Variants in UGGT2 observed in about 807,000 individuals in gnomAD.
UGGT2 encodes the protein UDP-glucose glycoprotein glucosyltransferase 2.
In UGGT2, 180 loss-of-function variants were observed where a neutral mutation model predicts 192.1. The observed-to-expected ratio is 0.94, with a 90% CI of 0.83 to 1.06. The LOEUF (loss-of-function observed/expected upper bound fraction) is 1.06, where lower values mean the gene tolerates loss of function less well. UGGT2 is among the 50% of genes least tolerant of loss of function. The probability of loss-of-function intolerance (pLI) is 0.00; values close to 1 mark genes in which losing one functional copy is unlikely to be tolerated. For missense variants in UGGT2, 1,849 were observed against 1,795.7 expected, an observed-to-expected ratio of 1.03 and a Z score of -0.54; for synonymous variants, 580 against 591.0, an observed-to-expected ratio of 0.98 and a Z score of 0.27.
intron 38 of UGGT2, among the ~76,000 whole-genome samples, chr13:95,817,253 A>C (rs1319243575): frequency 6.6e-6 from 1 of 152,172 alleles, no homozygotes; most frequent in Non-Finnish European, 1.5e-5. Context: ...AGTAAGTATA[A>C]GGGTAACAAC....
Position 96,053,271 on chromosome 13 carries a change from T to C in UGGT2, c.42A>G (p.Leu14=). Residue 14 remains leucine, a synonymous_variant, in exon 1 of 39, where the codon CTA becomes CTG. Coordinates refer to ENST00000376747, the MANE Select transcript of UGGT2 (RefSeq NM_020121.4). The part of the protein sequence containing the change: ...AKATNVVRLL[L]GSTALWLSQL... ...GCGAAAGCCACAGCGCTGTGGAGCC[T>C]AGTAGCAGCCGCACCACGTTCGTGG... The C allele has an allele frequency of 6.3e-7, 1 of 1,575,710 alleles. No homozygotes were observed. Among genetic ancestry groups the C allele is most frequent in the African/African-American group, 1.4e-5 (1 of 72,960 alleles).
intron 10 of UGGT2, among the ~76,000 whole-genome samples, chr13:95,982,629 G>A (rs2051163804): frequency 6.6e-6 from 1 of 152,066 alleles, no homozygotes; most frequent in African/African-American, 2.4e-5. Context: ...TTCCCATTCA[G>A]GTGCCCCTCT....
intron 29 of UGGT2, 65 bp from the exon 30 acceptor site, chr13:95,867,488 A>G (rs569329673): frequency 2.3e-6 from 3 of 1,322,198 alleles, no homozygotes; most frequent in Non-Finnish European, 3.2e-6. Flanking sequence ...ATGGCATAAC[A>G]GAATAAACTC....
At chr13:95,918,572 AAATC>A (rs2048750199) in intron 20 of UGGT2, among the ~76,000 whole-genome samples, 1 of 152,268 alleles carries the variant, frequency 6.6e-6, no homozygotes, top group African/African-American at 2.4e-5. Context: ...TCTTCAAAAA[AAATC>A]AACCAATCCA....
rs371450180 is a variant in UGGT2, at chr13:96,015,677, A to G, written c.486-2196T>C. The stretch of plus-strand genomic sequence containing the variant: ...GCATTGGTAAAAATTTTAGAAGTAG[A>G]GTATAAAACTTCAGCTTTCTGAAGA... On this transcript the variant is annotated intron_variant, in intron 4 of 38. Transcript: ENST00000376747. Among the ~76,000 whole-genome samples, 25 of 152,360 alleles carry G rather than the reference A, an allele frequency of 1.6e-4. No individual in the cohort carries two copies. In the East Asian group the frequency reaches 3.5e-3, roughly 21 times the overall value.
intron 14 of UGGT2, among the ~76,000 whole-genome samples, chr13:95,947,417 T>C (rs903866017): frequency 2.0e-5 from 3 of 151,910 alleles, no homozygotes; most frequent in Non-Finnish European, 4.4e-5. Flanking sequence ...CAAATGGCCA[T>C]GTTCTTTTGT....
chr13:96,004,658 T>C (rs549200657), intron 5 of UGGT2, among the ~76,000 whole-genome samples: 1 of 148,560 alleles, frequency 6.7e-6, no homozygotes, highest in Non-Finnish European at 1.5e-5. Context: ...ATTAGGTATA[T>C]CTCCCAATGC....
chr13:95,879,991 A>G (rs1003166627), intron 27 of UGGT2, among the ~76,000 whole-genome samples: 4 of 152,122 alleles, frequency 2.6e-5, no homozygotes, highest in Non-Finnish European at 5.9e-5. Context: ...TGCTGTACCC[A>G]TCAACCTGCC....
intron 36 of UGGT2, among the ~76,000 whole-genome samples, chr13:95,842,909 T>G (rs529967408): frequency 3.9e-5 from 6 of 152,176 alleles, no homozygotes; most frequent in Non-Finnish European, 7.4e-5. Context: ...TCTTGAGAGA[T>G]ACAATGAAGC....
Position 96,053,206 on chromosome 13 carries a change from G to C in UGGT2, c.107C>G (p.Thr36Ser), listed in dbSNP as rs948334734. The C allele has an allele frequency of 1.0e-5, 16 of 1,532,594 alleles. 1 individual carries two copies. The highest frequency in any genetic ancestry group is 2.0e-5 in the Admixed American group (1 of 51,118). 94.9% of individuals were successfully genotyped at this position (1,532,594 alleles called of 1,614,324 possible). ...GGGCCACTTCGCGGCCAAGTGGGCAGTCACCGACTTGGACGCGGCGACCGT... is the reference window on the plus strand; with the variant it reads ...GGGCCACTTCGCGGCCAAGTGGGCACTCACCGACTTGGACGCGGCGACCGT... ...SGTVAASKSV[T>S]AHLAAKWPET... The change falls in exon 1 of 39, where the codon ACT becomes AGT. Residue 36 changes from threonine to serine, a missense_variant. Physicochemically the swap from Thr to Ser is moderately conservative, Grantham distance 58. Coordinates refer to ENST00000376747, the MANE Select transcript of UGGT2 (RefSeq NM_020121.4).
rs755997673 is a variant in UGGT2, at chr13:95,863,671, T to A, written c.3602A>T (p.Asp1201Val). The part of the protein sequence containing the change: ...TDKIKEDILT[D>V]EDEKTKGLWD... Reference sequence around the variant, plus strand: ...CAGTCCTTTTGTTTTTTCATCTTCATCGGTAAGGATATCTTCCTTAATTTT... The same window carrying A: ...CAGTCCTTTTGTTTTTTCATCTTCAACGGTAAGGATATCTTCCTTAATTTT... Residue 1201 changes from aspartate to valine, a missense_variant, in exon 31 of 39, where the codon GAT (aspartate) becomes GTT (valine). Physicochemically the swap from Asp to Val is radical, Grantham distance 152. Transcript: ENST00000376747. 2 of 1,612,846 alleles carry A rather than the reference T, an allele frequency of 1.2e-6. No homozygotes were observed. The highest frequency in any genetic ancestry group is 2.7e-5 in the African/African-American group (2 of 74,998).
At chr13:95,884,087 CCAA>C (rs2047575690) in intron 27 of UGGT2, among the ~76,000 whole-genome samples, 1 of 60,042 alleles carries the variant, frequency 1.7e-5, no homozygotes, top group African/African-American at 5.2e-5. Flanking sequence ...AAAAAAAAAA[CCAA>C]CAACAACAAA....
At chr13:95,815,115 T>C (rs1340296880) in intron 38 of UGGT2, among the ~76,000 whole-genome samples, 1 of 152,152 alleles carries the variant, frequency 6.6e-6, no homozygotes, top group Non-Finnish European at 1.5e-5. Flanking sequence ...AAAGCTAACA[T>C]CATCCATAAT....
Position 95,936,971 on chromosome 13 carries a change from G to C in UGGT2, c.1930C>G (p.Gln644Glu). The C allele has an allele frequency of 8.1e-6, 13 of 1,596,770 alleles. No homozygotes were observed. The highest frequency in any genetic ancestry group is 1.1e-5 in the Non-Finnish European group (13 of 1,175,948). ...NIKELKMAVL[Q>E]RMMDASVYLQ... ...TATACAGATGCATCCATCATTCTTT[G>C]AAGAACAGCCATTTTTAGTTCTTTA... Residue 644 changes from glutamine to glutamate, a missense_variant, in exon 17 of 39, where the codon CAA becomes GAA. Transcript: ENST00000376747.
chr13:95,836,366 CAA>C (rs1887288986), intron 37 of UGGT2, among the ~76,000 whole-genome samples: 2 of 152,086 alleles, frequency 1.3e-5, no homozygotes, highest in Admixed American at 6.5e-5. Flanking sequence ...GCCTTTTTTT[CAA>C]AAGTCCTTTT....
intron 38 of UGGT2, among the ~76,000 whole-genome samples, chr13:95,813,906 G>A (rs536748166): frequency 2.0e-4 from 30 of 152,310 alleles, no homozygotes; most frequent in African/African-American, 6.5e-4. Flanking sequence ...CCCAGATATA[G>A]CTCAGACTGC....
intron 36 of UGGT2, among the ~76,000 whole-genome samples, chr13:95,841,955 A>G (rs1053807008): frequency 1.3e-5 from 2 of 152,132 alleles, no homozygotes; most frequent in African/African-American, 4.8e-5. Flanking sequence ...TTTCCCCATT[A>G]AGTTGTCTTG....
intron 4 of UGGT2, among the ~76,000 whole-genome samples, chr13:96,020,839 C>G (rs2052492989): frequency 6.6e-6 from 1 of 152,160 alleles, no homozygotes; most frequent in South Asian, 2.1e-4. Context: ...ATGATTTTAC[C>G]TGACTTACAA....
At chr13:96,005,389 A>T (rs1212822740) in intron 5 of UGGT2, among the ~76,000 whole-genome samples, 1 of 152,100 alleles carries the variant, frequency 6.6e-6, no homozygotes, top group Non-Finnish European at 1.5e-5. Context: ...CAAGGCTGAA[A>T]CCCTCTTGCA....
Sources: allele counts gnomAD v4.1 joint callset (sites outside exome capture counted in the v4.1 genomes callset), GRCh38; gene constraint gnomAD v4.1.1; transcripts MANE v1.5; gene names NCBI Gene and HGNC (gene_info 2026-07-23, HGNC 2026-07-21).